Variants in MUC6 observed in about 807,000 individuals in gnomAD.
The protein encoded by MUC6 is mucin-6.
MUC6 carries 188 observed loss-of-function variants against 201.5 expected under a neutral mutation model. The observed-to-expected ratio is 0.93, with a 90% CI of 0.83 to 1.05. The LOEUF (loss-of-function observed/expected upper bound fraction) is 1.05, where lower values mean the gene tolerates loss of function less well. Among genes scored for constraint, MUC6 ranks in the 50% least tolerant of loss-of-function variants. MUC6 has a pLI of 0.00. For synonymous variants in MUC6, 1,228 were observed against 1,389.4 expected, an observed-to-expected ratio of 0.88 and a Z score of 2.58; for missense variants, 2,706 against 3,256.9, an observed-to-expected ratio of 0.83 and a Z score of 4.12.
intron 28 of MUC6, 67 bp downstream of exon 28, chr11:1,020,617 C>T: frequency 6.2e-7 from 1 of 1,601,838 alleles, no homozygotes; most frequent in Admixed American, 1.7e-5. Context: ...ACAGATTTGT[C>T]CAGGGAACCG....
Position 1,025,316 on chromosome 11 carries a change from G to C in MUC6, c.2851C>G (p.Pro951Ala). ...GGCGTCACCCCGAGCTGCACGTGGG[G>C]CTCCTCCCCGGTGACCGTGTAGTTT... ...DRNYTVTGEEPHVQLGVTPGA... is the reference protein window; with the variant it reads ...DRNYTVTGEEAHVQLGVTPGA... The change falls in exon 23 of 33, where the codon CCC (proline) becomes GCC (alanine). Residue 951 changes from proline to alanine, a missense_variant. By Grantham distance (27) the Pro-to-Ala change is conservative. This residue lies in a region of MUC6 where 1,850 missense variants were observed against 1,958.3 expected (regional missense o/e 0.94). Coordinates refer to ENST00000421673, the MANE Select transcript of MUC6 (RefSeq NM_005961.3). 9.9e-6 allele frequency: 16 copies of C among 1,612,396 alleles called. No homozygotes were observed. The highest frequency in any genetic ancestry group is 1.2e-5 in the Non-Finnish European group (14 of 1,179,630).
chr11:1,029,751 C>G (rs1438624201), intron 8 of MUC6, 136 bp from the exon 9 acceptor site: 2 of 1,241,132 alleles, frequency 1.6e-6, no homozygotes, highest in African/African-American at 3.1e-5. Context: ...GGGAGACGCC[C>G]CTCCAGCCTG....
In MUC6 at chr11:1,028,719, C is replaced by G; in HGVS notation, c.1518G>C (p.Glu506Asp). 6.2e-7 allele frequency: 1 copy of G among 1,612,280 alleles called. No individual in the cohort carries two copies. The highest frequency in any genetic ancestry group is 8.5e-7 in the Non-Finnish European group (1 of 1,179,652). The change falls in exon 13 of 33, where the codon GAG (glutamate) becomes GAC (aspartate). Residue 506 changes from glutamate (E) to aspartate (D), a missense_variant. Transcript: ENST00000421673. ...AGATGGGGCGCAGCTGGACCACGAG[C>G]TCCAGCCCGAAGCTGGTGGCCATCT... is the stretch of plus-strand genomic sequence containing the variant. ...HLQMATSFGL[E>D]LVVQLRPIFQ...
At position 1,024,036 on chromosome 11, in the gene MUC6, C is replaced by T. The variant is rs1856888310; in HGVS notation, c.3293G>A (p.Cys1098Tyr). 6.2e-7 allele frequency: 1 copy of T among 1,611,062 alleles called. No individual in the cohort carries two copies. Among genetic ancestry groups the T allele is most frequent in the Non-Finnish European group, 8.5e-7 (1 of 1,179,342 alleles). Residue 1098 changes from cysteine (C) to tyrosine (Y), a missense_variant, in exon 25 of 33, where the codon TGT (cysteine) becomes TAT (tyrosine). By Grantham distance (194) the Cys-to-Tyr change is radical (BLOSUM62 -2). Coordinates refer to ENST00000421673, the MANE Select transcript of MUC6 (RefSeq NM_005961.3). The stretch of plus-strand genomic sequence containing the variant: ...AGCCACGGCATCGCACAGACACTCA[C>T]AGTCCCCGCCACTGTCACACCCACA... ...DACGCDSGGD[C>Y]ECLCDAVAAY...
In MUC6 at chr11:1,026,397, C is replaced by T. The variant is rs755842554; in HGVS notation, c.2476G>A (p.Glu826Lys). Residue 826 changes from glutamate (E) to lysine (K), a missense_variant, in exon 20 of 33, where the codon GAG becomes AAG. By Grantham distance (56) the Glu-to-Lys change is moderately conservative. Transcript: ENST00000421673. ...ACCCCCGAGAACTCACATGGGCACT[C>T]CTCGGGGGGCACACACTGCCCGTCG... is the stretch of plus-strand genomic sequence containing the variant. ...NADGQCVPPE[E>K]CPCEFSGVSY... 1 of 1,609,226 alleles carries T rather than the reference C, an allele frequency of 6.2e-7. No individual in the cohort carries two copies. Among genetic ancestry groups the T allele is most frequent in the South Asian group, 1.1e-5 (1 of 90,804 alleles).
rs778804452 is a variant in MUC6, at chr11:1,028,901, G to A, written c.1441C>T (p.Pro481Ser). 44 of 1,612,574 alleles carry A rather than the reference G, an allele frequency of 2.7e-5. No homozygotes were observed. The highest frequency in any genetic ancestry group is 3.5e-5 in the Non-Finnish European group (41 of 1,179,894). ...GGCCAGGACGTACGAGTCTTGTATGGCAGCCACTTGGCTTCTCCGTTGTTG... is the reference window on the plus strand; with the variant it reads ...GGCCAGGACGTACGAGTCTTGTATGACAGCCACTTGGCTTCTCCGTTGTTG... ...VTNNGEAKWL[P>S]YKTRNITVFR... Residue 481 changes from proline (P) to serine (S), a missense_variant, in exon 12 of 33, where the codon CCA becomes TCA. Physicochemically the swap from Pro to Ser is moderately conservative, Grantham distance 74 (BLOSUM62 -1). Transcript: ENST00000421673.
chr11:1,019,489 A>G lies in MUC6; in HGVS notation c.3816T>C (p.Pro1272=). 1 of 1,613,214 alleles carries G rather than the reference A, an allele frequency of 6.2e-7. No homozygotes were observed. The highest frequency in any genetic ancestry group is 8.5e-7 in the Non-Finnish European group (1 of 1,179,784). ...SKPTASSGEP[P]RPTTAVTPQA... is the part of the protein sequence containing the mutation. The stretch of plus-strand genomic sequence containing the variant: ...GTGGGGTGACGGCCGTGGTTGGTCT[A>G]GGTGGTTCTGCAGAGGACAGCCGCC... The change falls in exon 30 of 33, where the codon CCT becomes CCC. Residue 1272 remains proline (P), a synonymous_variant. Coordinates refer to ENST00000421673, the MANE Select transcript of MUC6 (RefSeq NM_005961.3).
intron 28 of MUC6, among the ~76,000 whole-genome samples, 199 bp downstream of exon 28, chr11:1,020,485 G>GC (rs1856782256): frequency 1.3e-5 from 2 of 152,202 alleles, no homozygotes; most frequent in Non-Finnish European, 2.9e-5. Context: ...CGTGGGTCCA[G>GC]CCAGGGCCAT....
In MUC6 at chr11:1,031,569, G is replaced by A. The variant is rs755810683; in HGVS notation, c.483+38C>T. ...CAAGTCCCACCTGCCCCCCCGTGCT[G>A]CGGGTCTCCAGGCCCACCCTGGCCC... On this transcript the variant is annotated intron_variant, in intron 4 of 32. Coordinates refer to ENST00000421673, the MANE Select transcript of MUC6 (RefSeq NM_005961.3). 3 of 1,538,926 alleles carry A rather than the reference G, an allele frequency of 1.9e-6. No homozygotes were observed. In the South Asian group the frequency reaches 3.6e-5, roughly 18 times the overall value.
intron 16 of MUC6, 21 bp downstream of exon 16, chr11:1,027,664 T>C: frequency 6.3e-7 from 1 of 1,587,870 alleles, no homozygotes; most frequent in Non-Finnish European, 8.6e-7. Context: ...TGACCCCGCT[T>C]AAGCCCCGTC....
At position 1,033,245 on chromosome 11, in the gene MUC6, T is replaced by A; in HGVS notation, c.53-170A>T. ...TCAACAGCAAGCCAAGCGCTTGGCC[T>A]CCCATGCTGTCCTTCACGAGCCCCA... is the stretch of plus-strand genomic sequence containing the variant. On this transcript the variant is annotated intron_variant, in intron 1 of 32. Coordinates refer to ENST00000421673, the MANE Select transcript of MUC6 (RefSeq NM_005961.3). This position sits in a 1 kb window ranked among gnomAD's most constrained non-coding sequence, Gnocchi z 5.6. The A allele has an allele frequency of 1.6e-6, 1 of 618,164 alleles. No homozygotes were observed. Among genetic ancestry groups the A allele is most frequent in the Non-Finnish European group, 2.9e-6 (1 of 341,462 alleles). The allele number at this position is 618,164 out of a possible 1,614,324, so 38.3% of individuals were successfully genotyped here. A position where few individuals can be genotyped will look rare whatever the true frequency, so the allele number is the denominator to read the frequency against.
chr11:1,026,223 C>A, intron 20 of MUC6, 82 bp from the exon 21 acceptor site: 1 of 1,516,106 alleles, frequency 6.6e-7, no homozygotes, highest in Admixed American at 2.1e-5. Flanking sequence ...CCAGACTGCA[C>A]CTCTGGACGC....
intron 2 of MUC6, among the ~76,000 whole-genome samples, chr11:1,032,548 G>T (rs1306701484): frequency 6.6e-6 from 1 of 151,718 alleles, no homozygotes; most frequent in African/African-American, 2.4e-5. Flanking sequence ...GGTGTGTAGG[G>T]TGTGTACATA....
intron 2 of MUC6, among the ~76,000 whole-genome samples, chr11:1,032,376 GTGTT>G (rs1376791906): frequency 6.6e-6 from 1 of 152,066 alleles, no homozygotes; most frequent in Non-Finnish European, 1.5e-5. Flanking sequence ...GGGTGTGTGT[GTGTT>G]GGAGGGCTGT....
chr11:1,028,299 G>T lies in MUC6; in HGVS notation c.1680C>A (p.Asp560Glu). Reference protein sequence around the residue: ...IAEGTASLFVDSWRAGNCPAA... With the variant: ...IAEGTASLFVESWRAGNCPAA... ...CCGGACAGTTCCCCGCCCGCCAGGA[G>T]TCCACAAACAGCGAGGCGGTGCCCT... is the stretch of plus-strand genomic sequence containing the variant. Residue 560 changes from aspartate to glutamate, a missense_variant, in exon 14 of 33, where the codon GAC (aspartate) becomes GAA (glutamate). This residue lies in a region of MUC6 where 1,850 missense variants were observed against 1,958.3 expected (regional missense o/e 0.94). Coordinates refer to ENST00000421673, the MANE Select transcript of MUC6 (RefSeq NM_005961.3). The T allele has an allele frequency of 1.2e-6, 2 of 1,610,862 alleles. No homozygotes were observed. Among genetic ancestry groups the T allele is most frequent in the Non-Finnish European group, 1.7e-6 (2 of 1,179,224 alleles).
At position 1,013,232 on chromosome 11, in the gene MUC6, T is replaced by C. The variant is rs1198570038; in HGVS notation, c.*224A>G. ...GGTCCGTGACCACTGTCCGCCTCAG[T>C]CCCTCTCTGCTGGCTCAGGGTCTGC... is the stretch of plus-strand genomic sequence containing the variant. On this transcript the variant is annotated 3_prime_UTR_variant, in exon 33 of 33. Coordinates refer to ENST00000421673, the MANE Select transcript of MUC6 (RefSeq NM_005961.3). 2.3e-5 allele frequency: 13 copies of C among 575,688 alleles called. No homozygotes were observed. Among genetic ancestry groups the C allele is most frequent in the Middle Eastern group, 4.5e-4 (1 of 2,220 alleles). 35.7% of individuals were successfully genotyped at this position (575,688 alleles called of 1,614,324 possible). A position where few individuals can be genotyped will look rare whatever the true frequency, so the allele number is the denominator to read the frequency against.
In MUC6 at chr11:1,018,206, G is replaced by C. The variant is rs904057032; in HGVS notation, c.4595C>G (p.Thr1532Arg). The change falls in exon 31 of 33, where the codon ACA becomes AGA. Residue 1532 changes from threonine (T) to arginine (R), a missense_variant. Thr to Arg is a moderately conservative substitution (Grantham distance 71). This residue lies in a region of MUC6 where 128 missense variants were observed against 206.5 expected (regional missense o/e 0.62). Coordinates refer to ENST00000421673, the MANE Select transcript of MUC6 (RefSeq NM_005961.3). The part of the protein sequence containing the change: ...PTSLHSHTSS[T>R]HHPEVTPTST... ...AGTTGGGGTGACTTCAGGATGGTGT[G>C]TGGAGGAAGTGTGTGAATGTAGCGA... 6.2e-7 allele frequency: 1 copy of C among 1,613,998 alleles called. No individual in the cohort carries two copies. The highest frequency in any genetic ancestry group is 8.5e-7 in the Non-Finnish European group (1 of 1,179,816).
rs1459925123 is a variant in MUC6 at position 1,016,553 on chromosome 11, G to A, written c.6248C>T (p.Ala2083Val). Residue 2083 changes from alanine to valine, a missense_variant, in exon 31 of 33, where the codon GCC becomes GTC. Physicochemically the swap from Ala to Val is moderately conservative, Grantham distance 64. This residue lies in a region of MUC6 where 586 missense variants were observed against 488.0 expected (regional missense o/e 1.20). Coordinates refer to ENST00000421673, the MANE Select transcript of MUC6 (RefSeq NM_005961.3). ...QTHSSFSTAT[A>V]SSSFISSSSW... ...CGAGGAGGATATGAAGGAAGAAGAG[G>A]CTGTAGCTGTGCTGAATGAGCTGTG... 6.2e-7 allele frequency: 1 copy of A among 1,612,546 alleles called. No homozygotes were observed. Among genetic ancestry groups the A allele is most frequent in the Non-Finnish European group, 8.5e-7 (1 of 1,179,218 alleles).
In MUC6 at chr11:1,026,048, G is replaced by T; in HGVS notation, c.2640C>A (p.Asp880Glu). ...TGCCGTCGAATACGAAGCGCTGGCC[G>T]TCGAAGGTGATGACGTGGCCCTCCC... is the stretch of plus-strand genomic sequence containing the variant. Reference protein sequence around the residue: ...LYGEGHVITFDGQRFVFDGNC... With the variant: ...LYGEGHVITFEGQRFVFDGNC... Residue 880 changes from aspartate (D) to glutamate (E), a missense_variant, in exon 21 of 33, where the codon GAC becomes GAA. This residue lies in a region of MUC6 where 1,850 missense variants were observed against 1,958.3 expected (regional missense o/e 0.94). Transcript: ENST00000421673. 1 of 1,591,342 alleles carries T rather than the reference G, an allele frequency of 6.3e-7. No individual in the cohort carries two copies. The highest frequency in any genetic ancestry group is 8.6e-7 in the Non-Finnish European group (1 of 1,169,172).
Sources: gnomAD v4.1 joint callset for allele counts (sites outside exome capture counted in the v4.1 genomes callset) on GRCh38, gnomAD v4.1.1 for gene constraint, gnomAD v4.1.1 regional missense constraint, Gnocchi (gnomAD v3.1) non-coding constraint, MANE v1.5 for transcripts, NCBI Gene and HGNC (gene_info 2026-07-23, HGNC 2026-07-21) for gene names.